The following TRPC5 variants were observed in gnomAD, a reference collection of about 807,000 sequenced individuals.
The protein encoded by TRPC5 is transient receptor potential cation channel subfamily C member 5, also known as short transient receptor potential channel 5.
Under a neutral mutation model 56.5 loss-of-function variants are expected in TRPC5, and 9 were observed. The observed-to-expected ratio is 0.16, with a 90% CI of 0.10 to 0.28. The LOEUF is 0.28. Ranked by LOEUF, TRPC5 falls within the 10% of genes least tolerant of loss-of-function variation. TRPC5 has a pLI of 1.00. For missense variants in TRPC5, 469 were observed against 748.9 expected, an observed-to-expected ratio of 0.63 and a Z score of 4.36; for synonymous variants, 282 against 278.5, an observed-to-expected ratio of 1.01 and a Z score of -0.13.
At chrX:111,989,529 A>C (rs556276366) in intron 1 of TRPC5, among the ~76,000 whole-genome samples, 2 of 111,831 alleles carry the variant, frequency 1.8e-5, no homozygotes, top group South Asian at 7.5e-4. Flanking sequence ...ACCAATTAAG[A>C]CTTTCATGAA....
At chrX:111,835,664 T>A (rs1214699306) in intron 6 of TRPC5, among the ~76,000 whole-genome samples, 1 of 111,584 alleles carries the variant, frequency 9.0e-6, no homozygotes, top group Non-Finnish European at 1.9e-5. Flanking sequence ...GGCGGGCGCC[T>A]GTAGTCCCAG....
rs180831260 is a variant in TRPC5 at position 111,962,079 on chromosome X, C to A, written c.-21-9638G>T. Reference sequence around the variant, plus strand: ...GATGGAAATAATAGACACTGGGACTCCAGAAATGGGGATGATAGAAGGGGA... The same window carrying A: ...GATGGAAATAATAGACACTGGGACTACAGAAATGGGGATGATAGAAGGGGA... On this transcript the variant is annotated intron_variant, in intron 1 of 10. Transcript: ENST00000262839. Among the ~76,000 whole-genome samples, 26 of 110,391 alleles carry A rather than the reference C, an allele frequency of 2.4e-4. 1 individual carries two copies. The East Asian group carries it at 6.3e-3, about 27-fold the overall frequency.
Position 111,785,147 on chromosome X carries a change from A to G in TRPC5, c.1897-3009T>C, listed in dbSNP as rs1005652171. Among the ~76,000 whole-genome samples, 13 of 112,100 alleles carry G rather than the reference A, an allele frequency of 1.2e-4. No individual in the cohort carries two copies. In the East Asian group the frequency reaches 1.7e-3, roughly 15 times the overall value. On this transcript the variant is annotated intron_variant, in intron 7 of 10. Coordinates refer to ENST00000262839, the MANE Select transcript of TRPC5 (RefSeq NM_012471.3). ...CCCTGACCCTCGTGTAGCCTGAGAG[A>G]CACCTCATATAGGCAGCTGTCCCTC...
chrX:111,977,365 C>T (rs768363384), intron 1 of TRPC5, among the ~76,000 whole-genome samples: 2 of 111,427 alleles, frequency 1.8e-5, no homozygotes, highest in South Asian at 3.7e-4. Context: ...GTGTCAAAAA[C>T]GCAAAATGGA....
rs202195449 is a variant in TRPC5, at chrX:112,048,574, GAGGGA to G, written c.-22+33300_-22+33304del. 8.4e-3 allele frequency among the ~76,000 whole-genome samples: 926 copies of G among 110,413 alleles called. 5 individuals are homozygous for G. Among genetic ancestry groups the G allele is most frequent in the African/African-American group, 0.028 (861 of 30,259 alleles). On this transcript the variant is annotated intron_variant, in intron 1 of 10. Transcript: ENST00000262839. ...GATAACCCTAACCATATTTGTGAGG[GAGGGA>G]AGGATTACCACATCAGCTATGAACA...
intron 3 of TRPC5, among the ~76,000 whole-genome samples, chrX:111,905,731 G>A (rs1362708297): frequency 9.2e-6 from 1 of 109,275 alleles, no homozygotes; most frequent in African/African-American, 3.4e-5. Flanking sequence ...TGGCTAACAC[G>A]ATGAAACCCC....
intron 1 of TRPC5, among the ~76,000 whole-genome samples, chrX:111,993,482 C>G (rs1017287255): frequency 6.2e-5 from 7 of 112,250 alleles, no homozygotes; most frequent in African/African-American, 2.3e-4. Flanking sequence ...GCCACACTGT[C>G]TTCCACAATG....
intron 2 of TRPC5, among the ~76,000 whole-genome samples, chrX:111,934,438 C>T (rs1357831752): frequency 9.0e-6 from 1 of 111,187 alleles, no homozygotes; most frequent in African/African-American, 3.3e-5. Flanking sequence ...ATGGGGTATA[C>T]ACCACCTAAA....
At chrX:111,969,479 T>G (rs924618093) in intron 1 of TRPC5, among the ~76,000 whole-genome samples, 1 of 111,978 alleles carries the variant, frequency 8.9e-6, no homozygotes, top group Non-Finnish European at 1.9e-5. Flanking sequence ...GCTATTTTTT[T>G]CCAATTATAA....
chrX:111,839,685 C>T (rs1195196696), intron 6 of TRPC5, among the ~76,000 whole-genome samples: 1 of 111,080 alleles, frequency 9.0e-6, no homozygotes, highest in African/African-American at 3.3e-5. Context: ...CATATCCTCC[C>T]ATATACTTTT....
At chrX:112,080,426 A>ACACG (rs1209452252) in intron 1 of TRPC5, among the ~76,000 whole-genome samples, 1 of 108,627 alleles carries the variant, frequency 9.2e-6, no homozygotes, top group African/African-American at 3.4e-5. Context: ...ACACACACAC[A>ACACG]CACACACACA....
At chrX:111,975,510 T>C (rs1178458092) in intron 1 of TRPC5, among the ~76,000 whole-genome samples, 1 of 110,959 alleles carries the variant, frequency 9.0e-6, no homozygotes. Context: ...ATGTGCCATG[T>C]TGGTTTGCTG....
intron 1 of TRPC5, among the ~76,000 whole-genome samples, chrX:112,001,199 T>C (rs1161525353): frequency 8.9e-6 from 1 of 111,880 alleles, no homozygotes; most frequent in Non-Finnish European, 1.9e-5. Flanking sequence ...GTGGGAATAC[T>C]GGCCTGGTAA....
At chrX:112,078,310 G>A (rs962991762) in intron 1 of TRPC5, among the ~76,000 whole-genome samples, 4 of 111,638 alleles carry the variant, frequency 3.6e-5, no homozygotes, top group African/African-American at 1.3e-4. Flanking sequence ...ACATACATAT[G>A]GAATGGAAGT....
At chrX:112,053,635 G>A (rs1311491494) in intron 1 of TRPC5, among the ~76,000 whole-genome samples, 1 of 111,794 alleles carries the variant, frequency 8.9e-6, no homozygotes, top group Non-Finnish European at 1.9e-5. Flanking sequence ...TGGTGTAATA[G>A]ATGGCCTGGT....
chrX:111,905,156 G>A (rs1029628908), intron 3 of TRPC5, among the ~76,000 whole-genome samples: 2 of 105,879 alleles, frequency 1.9e-5, no homozygotes, highest in Non-Finnish European at 3.8e-5. Context: ...GATCCAACTT[G>A]ATTTTTATGA....
chrX:111,888,790 TAATC>T (rs1924661523), intron 3 of TRPC5, among the ~76,000 whole-genome samples: 1 of 102,600 alleles, frequency 9.7e-6, no homozygotes, highest in Non-Finnish European at 2.0e-5. Context: ...GCTGTCAAAA[TAATC>T]AAGGTGAGAT....
At chrX:111,972,380 G>A (rs1025455501) in intron 1 of TRPC5, among the ~76,000 whole-genome samples, 1 of 112,288 alleles carries the variant, frequency 8.9e-6, no homozygotes, top group African/African-American at 3.2e-5. Context: ...AGTTTTGCAG[G>A]CTAAATTACT....
intron 1 of TRPC5, among the ~76,000 whole-genome samples, chrX:112,076,383 G>A (rs929305879): frequency 2.8e-4 from 31 of 111,319 alleles, no homozygotes; most frequent in Admixed American, 7.7e-4. Flanking sequence ...ATATTTTACT[G>A]GTGAGAAAAT....
Sources: allele counts gnomAD v4.1 joint callset (sites outside exome capture counted in the v4.1 genomes callset), GRCh38; gene constraint gnomAD v4.1.1; transcripts MANE v1.5; gene names NCBI Gene and HGNC (gene_info 2026-07-23, HGNC 2026-07-21).